TAFA2: variants seen among roughly 807,000 people sequenced by gnomAD.
TAFA2 encodes the protein chemokine-like protein TAFA-2.
In TAFA2, 7 loss-of-function variants were observed where a neutral mutation model predicts 18.8. The ratio of observed to expected loss-of-function variants is 0.37; its 90% CI spans 0.21 to 0.70. The LOEUF is 0.70. TAFA2 is among the 30% of genes least tolerant of loss of function. The probability of loss-of-function intolerance (pLI) is 0.53; values close to 1 mark genes in which losing one functional copy is unlikely to be tolerated. For synonymous variants in TAFA2, 60 were observed against 54.2 expected (o/e 1.11, Z -0.47); for missense variants, 122 against 158.1 (o/e 0.77, Z 1.23).
chr12:61,911,987 A>C (rs1876630433), intron 1 of TAFA2, among the ~76,000 whole-genome samples: 1 of 152,188 alleles, frequency 6.6e-6, no homozygotes, highest in South Asian at 2.1e-4. Flanking sequence ...AAGAACTTAA[A>C]ATTTTTACCA....
At chr12:61,726,470 C>T (rs1870172834) in intron 4 of TAFA2, among the ~76,000 whole-genome samples, 1 of 151,912 alleles carries the variant, frequency 6.6e-6, no homozygotes, top group South Asian at 2.1e-4. Context: ...AGGTGTACTC[C>T]TAGGTATTTT....
At chr12:62,131,575 C>T (rs2136894837) in intron 1 of TAFA2, among the ~76,000 whole-genome samples, 1 of 152,048 alleles carries the variant, frequency 6.6e-6, no homozygotes, top group Non-Finnish European at 1.5e-5. Flanking sequence ...TGAAGAGTGG[C>T]CCTGTGTGTA....
chr12:62,149,762 C>A (rs1290558576), intron 1 of TAFA2, among the ~76,000 whole-genome samples: 1 of 151,978 alleles, frequency 6.6e-6, no homozygotes, highest in Non-Finnish European at 1.5e-5. Context: ...TAAATACTTT[C>A]CTCCAACTCT....
intron 1 of TAFA2, among the ~76,000 whole-genome samples, chr12:62,103,779 T>C (rs1377377599): frequency 6.6e-6 from 1 of 151,254 alleles, no homozygotes; most frequent in Non-Finnish European, 1.5e-5. Flanking sequence ...TGCTTCCTCA[T>C]AAACACCTGG....
In TAFA2 at chr12:61,872,266, C is replaced by T. The variant is rs371239451; in HGVS notation, c.-1-4840G>A. ...TCCAACCACCTGACCTCCCCTTGAG[C>T]CTAAGACACTTCTGTGGAAATAGAG... On this transcript the variant is annotated intron_variant, in intron 1 of 4. Transcript: ENST00000416284. Among the ~76,000 whole-genome samples the T allele has an allele frequency of 3.0e-4, 45 of 152,124 alleles. 1 individual carries two copies. The highest frequency in any genetic ancestry group is 1.1e-3 in the African/African-American group (45 of 41,484).
At chr12:61,939,554 G>C (rs1202588161) in intron 1 of TAFA2, among the ~76,000 whole-genome samples, 1 of 152,156 alleles carries the variant, frequency 6.6e-6, no homozygotes, top group Admixed American at 6.5e-5. Flanking sequence ...CTACTTGCAT[G>C]ATCTTACCTG....
intron 1 of TAFA2, among the ~76,000 whole-genome samples, chr12:62,035,064 C>G (rs529385945): frequency 6.6e-6 from 1 of 152,186 alleles, no homozygotes; most frequent in South Asian, 2.1e-4. Context: ...ATGATTAATA[C>G]CAAATATTGG....
At chr12:61,940,011 A>C (rs1290205177) in intron 1 of TAFA2, among the ~76,000 whole-genome samples, 3 of 152,236 alleles carry the variant, frequency 2.0e-5, no homozygotes, top group Non-Finnish European at 4.4e-5. Flanking sequence ...TGGATAATGT[A>C]TTTAAAGCCA....
At chr12:62,125,163 A>G (rs1024676195) in intron 1 of TAFA2, among the ~76,000 whole-genome samples, 35 of 152,130 alleles carry the variant, frequency 2.3e-4, no homozygotes, top group African/African-American at 8.2e-4. Context: ...CCTCTGCAGA[A>G]TTGTATACCT....
At chr12:61,962,828 C>T (rs1442325854) in intron 1 of TAFA2, among the ~76,000 whole-genome samples, 1 of 151,942 alleles carries the variant, frequency 6.6e-6, no homozygotes, top group Admixed American at 6.6e-5. Context: ...CATACACATG[C>T]CATGGTGGTT....
intron 2 of TAFA2, among the ~76,000 whole-genome samples, chr12:61,787,208 C>T (rs1435513058): frequency 6.6e-6 from 1 of 151,300 alleles, no homozygotes; most frequent in Non-Finnish European, 1.5e-5. Context: ...ATATTATACT[C>T]AACAAAGCTA....
chr12:62,017,274 T>C (rs1371301774), intron 1 of TAFA2, among the ~76,000 whole-genome samples: 2 of 152,184 alleles, frequency 1.3e-5, no homozygotes, highest in Non-Finnish European at 2.9e-5. Flanking sequence ...AGTGAATGAA[T>C]ACTGATACCA....
chr12:61,760,908 G>A (rs1000884807), intron 2 of TAFA2, among the ~76,000 whole-genome samples: 4 of 151,148 alleles, frequency 2.6e-5, no homozygotes, highest in Non-Finnish European at 5.9e-5. Flanking sequence ...TTTCCTCCAT[G>A]GACGTGATGC....
At chr12:61,837,156 T>C (rs947723103) in intron 2 of TAFA2, among the ~76,000 whole-genome samples, 1 of 151,988 alleles carries the variant, frequency 6.6e-6, no homozygotes, top group African/African-American at 2.4e-5. Flanking sequence ...TTGTGACTTA[T>C]ATAACAACCA....
intron 1 of TAFA2, among the ~76,000 whole-genome samples, chr12:62,137,453 C>G (rs999351262): frequency 6.6e-6 from 1 of 152,152 alleles, no homozygotes; most frequent in Non-Finnish European, 1.5e-5. Flanking sequence ...CAAGGTCACA[C>G]TGCTGGTTGA....
At chr12:61,789,742 A>T (rs1055646275) in intron 2 of TAFA2, among the ~76,000 whole-genome samples, 7 of 151,904 alleles carry the variant, frequency 4.6e-5, no homozygotes, top group East Asian at 3.9e-4. Context: ...AACAGCATTT[A>T]AAAAAGCCAA....
chr12:61,860,008 T>C (rs1304413375), intron 2 of TAFA2, among the ~76,000 whole-genome samples: 1 of 152,252 alleles, frequency 6.6e-6, no homozygotes, highest in Admixed American at 6.5e-5. Context: ...CTAGCAACTC[T>C]GCCTGCATGG....
chr12:61,975,803 C>T (rs369707709), intron 1 of TAFA2, among the ~76,000 whole-genome samples: 20 of 151,568 alleles, frequency 1.3e-4, no homozygotes, highest in African/African-American at 4.1e-4. Flanking sequence ...ACCTAATGTA[C>T]GGCAAGGTGA....
intron 1 of TAFA2, among the ~76,000 whole-genome samples, chr12:62,074,330 T>G (rs1882707391): frequency 1.3e-5 from 2 of 152,318 alleles, no homozygotes; most frequent in African/African-American, 4.8e-5. Flanking sequence ...AATACTTAAT[T>G]TTGCTTAATC....
Sources: gnomAD v4.1 joint callset for allele counts (sites outside exome capture counted in the v4.1 genomes callset) on GRCh38, gnomAD v4.1.1 for gene constraint, MANE v1.5 for transcripts, NCBI Gene and HGNC (gene_info 2026-07-23, HGNC 2026-07-21) for gene names.